The following ASTN2 variants were observed in gnomAD, a reference collection of about 807,000 sequenced individuals.
ASTN2 encodes the protein astrotactin-2.
A neutral mutation model predicts 139.8 loss-of-function variants in ASTN2; 54 were observed. The ratio of observed to expected loss-of-function variants is 0.39; its 90% CI spans 0.31 to 0.48. The LOEUF is 0.48. ASTN2 is among the 20% of genes least tolerant of loss of function. The pLI, the probability that ASTN2 is intolerant of heterozygous loss-of-function variation, is 0.95. For missense variants in ASTN2, 1,565 were observed against 1,725.1 expected (o/e 0.91, Z 1.64); for synonymous variants, 756 against 719.5 (o/e 1.05, Z -0.81).
At chr9:117,152,171 A>G (rs1830339486) in intron 3 of ASTN2, among the ~76,000 whole-genome samples, 1 of 152,188 alleles carries the variant, frequency 6.6e-6, no homozygotes, top group African/African-American at 2.4e-5. Flanking sequence ...TGCTTAACAC[A>G]CTACCCAAAC....
intron 19 of ASTN2, among the ~76,000 whole-genome samples, chr9:116,521,173 C>T (rs1444303489): frequency 6.6e-6 from 1 of 151,892 alleles, no homozygotes. Context: ...CTATGTGGGA[C>T]CAAAAAAGAG....
intron 6 of ASTN2, among the ~76,000 whole-genome samples, chr9:117,020,271 A>G (rs1281752676): frequency 6.6e-6 from 1 of 152,082 alleles, no homozygotes. Flanking sequence ...AAGATTTGGG[A>G]AGGAAGAAAG....
intron 6 of ASTN2, among the ~76,000 whole-genome samples, chr9:117,015,860 T>A (rs1233038970): frequency 2.0e-5 from 3 of 152,182 alleles, no homozygotes; most frequent in African/African-American, 7.2e-5. Context: ...TATGGTGTTA[T>A]GCTAGTTATA....
At chr9:116,923,407 C>T (rs1262356030) in intron 10 of ASTN2, among the ~76,000 whole-genome samples, 1 of 152,158 alleles carries the variant, frequency 6.6e-6, no homozygotes, top group Non-Finnish European at 1.5e-5. Flanking sequence ...TTGGAGGGGC[C>T]AAGTCAGCTA....
At chr9:117,139,172 C>T (rs541806164) in intron 4 of ASTN2, among the ~76,000 whole-genome samples, 63 of 152,242 alleles carry the variant, frequency 4.1e-4, no homozygotes, top group African/African-American at 1.1e-3. Flanking sequence ...TAAAGCTATA[C>T]GAAATTTCAA....
At chr9:117,224,973 A>G (rs1375861008) in intron 2 of ASTN2, among the ~76,000 whole-genome samples, 1 of 152,210 alleles carries the variant, frequency 6.6e-6, no homozygotes, top group South Asian at 2.1e-4. Context: ...GGTGTTCTTA[A>G]TCATCTCTGT....
chr9:116,830,942 T>C (rs1470200223), intron 11 of ASTN2, among the ~76,000 whole-genome samples: 6 of 151,568 alleles, frequency 4.0e-5, no homozygotes, highest in Non-Finnish European at 1.5e-5. Flanking sequence ...ATAAAGAAAA[T>C]GTGGTATACA....
chr9:116,618,217 C>G, intron 19 of ASTN2, 107 bp downstream of exon 19: 1 of 1,204,736 alleles, frequency 8.3e-7, no homozygotes, highest in African/African-American at 1.6e-5. Context: ...TGAAATCTTC[C>G]AATGCCTTCC....
At chr9:117,044,066 T>A (rs1226275444) in intron 5 of ASTN2, among the ~76,000 whole-genome samples, 1 of 152,154 alleles carries the variant, frequency 6.6e-6, no homozygotes, top group Non-Finnish European at 1.5e-5. Context: ...TGGGTCAATA[T>A]GTGTCTAATG....
intron 17 of ASTN2, among the ~76,000 whole-genome samples, chr9:116,634,934 G>C (rs958595429): frequency 6.6e-6 from 1 of 151,554 alleles, no homozygotes; most frequent in Non-Finnish European, 1.5e-5. Context: ...GATTGGGGGA[G>C]AAAAAGAGAG....
intron 16 of ASTN2, among the ~76,000 whole-genome samples, chr9:116,715,611 A>G (rs376331548): frequency 3.9e-5 from 6 of 152,072 alleles, no homozygotes; most frequent in African/African-American, 1.2e-4. Flanking sequence ...CCCACCCTCC[A>G]TACACATGCA....
chr9:117,160,465 A>T (rs2416592), intron 3 of ASTN2, among the ~76,000 whole-genome samples: 64 of 47,844 alleles, frequency 1.3e-3, no homozygotes, highest in Admixed American at 8.5e-3. Context: ...CTCCCTAAAA[A>T]GGCCACTAGA....
intron 10 of ASTN2, among the ~76,000 whole-genome samples, chr9:116,936,768 C>T (rs960994937): frequency 6.6e-6 from 1 of 152,144 alleles, no homozygotes; most frequent in African/African-American, 2.4e-5. Flanking sequence ...GACAAATGAA[C>T]CCACACACAG....
chr9:117,240,016 A>T (rs1194778750), intron 2 of ASTN2, among the ~76,000 whole-genome samples: 1 of 152,234 alleles, frequency 6.6e-6, no homozygotes. Flanking sequence ...AACATCATAA[A>T]TTGAAAATGC....
chr9:117,378,789 G>A (rs1187976920), intron 1 of ASTN2, among the ~76,000 whole-genome samples: 1 of 152,168 alleles, frequency 6.6e-6, no homozygotes, highest in African/African-American at 2.4e-5. Context: ...ATATGTTTTA[G>A]ATCTGTGTCC....
At chr9:116,771,407 T>C (rs546779283) in intron 13 of ASTN2, among the ~76,000 whole-genome samples, 1 of 152,290 alleles carries the variant, frequency 6.6e-6, no homozygotes, top group East Asian at 1.9e-4. Flanking sequence ...ATAAAGCACA[T>C]GGCACATAAT....
intron 10 of ASTN2, among the ~76,000 whole-genome samples, chr9:116,934,184 A>C (rs1835000290): frequency 6.6e-6 from 1 of 151,884 alleles, no homozygotes; most frequent in South Asian, 2.1e-4. Flanking sequence ...ACAAATGAGA[A>C]GCTACTGCTC....
intron 2 of ASTN2, among the ~76,000 whole-genome samples, chr9:117,250,302 C>A (rs1833503171): frequency 6.6e-6 from 1 of 152,118 alleles, no homozygotes; most frequent in Admixed American, 6.5e-5. Flanking sequence ...GAGGCCCCTG[C>A]CCTCCTACTT....
At chr9:117,271,214 C>T (rs1056528507) in intron 2 of ASTN2, among the ~76,000 whole-genome samples, 2 of 152,112 alleles carry the variant, frequency 1.3e-5, no homozygotes, top group Non-Finnish European at 2.9e-5. Context: ...GTGAAAGGCT[C>T]TTCTTACGTG....
Sources: allele counts gnomAD v4.1 joint callset (sites outside exome capture counted in the v4.1 genomes callset), GRCh38; gene constraint gnomAD v4.1.1; transcripts MANE v1.5; gene names NCBI Gene and HGNC (gene_info 2026-07-23, HGNC 2026-07-21).